Variants in SYN2 observed in about 807,000 individuals in gnomAD.
SYN2 encodes synapsin-2.
Under a neutral mutation model 50.9 loss-of-function variants are expected in SYN2, and 19 were observed. That is an observed-to-expected ratio of 0.37 (90% CI 0.26 to 0.55). The LOEUF is 0.55. Ranked by LOEUF, SYN2 falls within the 20% of genes least tolerant of loss-of-function variation. The probability of loss-of-function intolerance (pLI) is 0.81; values close to 1 mark genes in which losing one functional copy is unlikely to be tolerated. For missense variants in SYN2, 587 were observed against 576.4 expected (o/e 1.02, Z -0.19); for synonymous variants, 255 against 224.9 (o/e 1.13, Z -1.20).
intron 1 of SYN2, among the ~76,000 whole-genome samples, chr3:12,045,834 C>T (rs768806375): frequency 1.3e-5 from 2 of 151,842 alleles, no homozygotes; most frequent in Admixed American, 6.6e-5. Context: ...TTGAATCTGG[C>T]GGAGTTAAGA....
intron 1 of SYN2, among the ~76,000 whole-genome samples, chr3:12,040,430 CTTTTTTTTT>C: frequency 9.2e-6 from 1 of 109,256 alleles, no homozygotes; most frequent in South Asian, 3.1e-4. Context: ...AGTTCTGTTT[CTTTTTTTTT>C]TTTTTTTTTT....
intron 11 of SYN2, among the ~76,000 whole-genome samples, 177 bp from the exon 12 acceptor site, chr3:12,187,192 C>A (rs1247467016): frequency 6.6e-6 from 1 of 152,178 alleles, no homozygotes. Context: ...CACTTAGTGG[C>A]TATATACAAG....
chr3:12,185,432 G>C (rs1375968048), intron 11 of SYN2: 9 of 985,808 alleles, frequency 9.1e-6, no homozygotes, highest in Non-Finnish European at 1.1e-5. Context: ...TCTTTCAGGT[G>C]GGGGAGAAAT....
chr3:12,062,325 A>T (rs986747369), intron 1 of SYN2, among the ~76,000 whole-genome samples: 2 of 152,026 alleles, frequency 1.3e-5, no homozygotes, highest in Non-Finnish European at 2.9e-5. Flanking sequence ...GTGAACCTAG[A>T]CACAAATCTT....
intron 1 of SYN2, among the ~76,000 whole-genome samples, chr3:12,065,717 G>A (rs923339913): frequency 6.6e-6 from 1 of 152,104 alleles, no homozygotes; most frequent in Non-Finnish European, 1.5e-5. Flanking sequence ...GAAGGAGGGT[G>A]GGGGCAAGGG....
At chr3:12,158,960 A>G in intron 5 of SYN2, 3 of 1,372,162 alleles carry the variant, frequency 2.2e-6, no homozygotes, top group Admixed American at 6.3e-5. Flanking sequence ...CCTAAGGGCC[A>G]ATCCCGCCCC....
At chr3:12,018,036 T>C (rs1050781269) in intron 1 of SYN2, among the ~76,000 whole-genome samples, 4 of 152,234 alleles carry the variant, frequency 2.6e-5, no homozygotes, top group Admixed American at 1.3e-4. Context: ...GCAGTACTAA[T>C]ACTATTCTCA....
At chr3:12,157,573 A>G (rs1175194030) in intron 5 of SYN2, 11 of 1,284,692 alleles carry the variant, frequency 8.6e-6, no homozygotes, top group South Asian at 1.2e-5. Flanking sequence ...GAAGAAGTCT[A>G]TAGGGCAGTT....
chr3:12,026,953 G>A (rs1206152839), intron 1 of SYN2, among the ~76,000 whole-genome samples: 1 of 152,146 alleles, frequency 6.6e-6, no homozygotes, highest in Non-Finnish European at 1.5e-5. Context: ...GTGACTTGGG[G>A]TTTACACTAA....
chr3:12,056,482 GA>G (rs987663789), intron 1 of SYN2, among the ~76,000 whole-genome samples: 5 of 151,586 alleles, frequency 3.3e-5, no homozygotes, highest in Admixed American at 6.6e-5. Context: ...AAAGTTTAAA[GA>G]AAAAAATGTT....
At chr3:12,032,511 G>T in intron 1 of SYN2, among the ~76,000 whole-genome samples, 1 of 51,682 alleles carries the variant, frequency 1.9e-5, no homozygotes, top group South Asian at 9.6e-4. Flanking sequence ...ATCACTTTCA[G>T]GTACACCAAT....
intron 1 of SYN2, among the ~76,000 whole-genome samples, chr3:12,129,920 G>A (rs961371041): frequency 6.6e-6 from 1 of 152,184 alleles, no homozygotes; most frequent in African/African-American, 2.4e-5. Flanking sequence ...CCTCACGATG[G>A]TGTTAGTGTC....
intron 3 of SYN2, 87 bp downstream of exon 3, chr3:12,142,083 T>C (rs1697031583): frequency 1.3e-6 from 1 of 754,526 alleles, no homozygotes; most frequent in Admixed American, 1.8e-5. Flanking sequence ...AAGTCAGGTG[T>C]TGGAGTGAGA....
chr3:12,162,881 T>G (rs975029351), intron 7 of SYN2, among the ~76,000 whole-genome samples: 9 of 152,214 alleles, frequency 5.9e-5, no homozygotes, highest in Admixed American at 5.2e-4. Context: ...TACCTGACTT[T>G]CCATAATACG....
chr3:12,066,811 A>C (rs1366922672), intron 1 of SYN2, among the ~76,000 whole-genome samples: 1 of 152,170 alleles, frequency 6.6e-6, no homozygotes, highest in Non-Finnish European at 1.5e-5. Context: ...TAAAGGAAAG[A>C]AGTTTAATTG....
intron 1 of SYN2, among the ~76,000 whole-genome samples, chr3:12,016,991 A>C (rs934285352): frequency 1.3e-5 from 2 of 152,150 alleles, no homozygotes; most frequent in African/African-American, 2.4e-5. Flanking sequence ...ATATAGTCAA[A>C]CAATATCACA....
At position 12,089,635 on chromosome 3, in the gene SYN2, T is replaced by C. The variant is rs188872696; in HGVS notation, c.378-51016T>C. Among the ~76,000 whole-genome samples, 14 of 152,306 alleles carry C rather than the reference T, an allele frequency of 9.2e-5. No individual in the cohort carries two copies. In the East Asian group the frequency reaches 2.7e-3, roughly 29 times the overall value. ...TGCCAGCTTGGGCAACATAGTGAGATATTATATTTAAATTTTTTCTTTTTT... is the reference window on the plus strand; with the variant it reads ...TGCCAGCTTGGGCAACATAGTGAGACATTATATTTAAATTTTTTCTTTTTT... On this transcript the variant is annotated intron_variant, in intron 1 of 12. Transcript: ENST00000621198.
chr3:12,184,218 T>A (rs1473070483), intron 11 of SYN2: 1 of 985,744 alleles, frequency 1.0e-6, no homozygotes, highest in Non-Finnish European at 1.2e-6. Context: ...ATGAGATTTT[T>A]AAAAAATGGG....
chr3:12,169,644 G>A (rs773854452), intron 9 of SYN2, 113 bp from the exon 10 acceptor site: 8 of 1,174,426 alleles, frequency 6.8e-6, no homozygotes, highest in Non-Finnish European at 9.6e-6. Context: ...AAGAACTCCT[G>A]CTTCATCTCC....
Sources: gnomAD v4.1 joint callset for allele counts (sites outside exome capture counted in the v4.1 genomes callset) on GRCh38, gnomAD v4.1.1 for gene constraint, MANE v1.5 for transcripts, NCBI Gene and HGNC (gene_info 2026-07-23, HGNC 2026-07-21) for gene names.